The following MALRD1 variants were observed in gnomAD, a reference collection of about 807,000 sequenced individuals.
MALRD1 encodes MAM and LDL receptor class A domain containing 1.
In MALRD1, 247 loss-of-function variants were observed where a neutral mutation model predicts 242.1. The ratio of observed to expected loss-of-function variants is 1.02; its 90% confidence interval spans 0.92 to 1.13. The LOEUF is 1.13. MALRD1 is among the 50% of genes most tolerant of loss of function. MALRD1 has a pLI of 0.00. For synonymous variants in MALRD1, 995 were observed against 866.6 expected (o/e 1.15, Z -2.60); for missense variants, 2,989 against 2,533.1 (o/e 1.18, Z -3.86).
intron 28 of MALRD1, among the ~76,000 whole-genome samples, chr10:19,405,041 A>G (rs10128103): frequency 0.84 from 127,784 of 152,134 alleles, 53,972 homozygotes; most frequent in African/African-American, 0.87. Context: ...CATGACAACA[A>G]AAAAACCTGT....
chr10:19,058,492 G>A (rs1036074114), intron 1 of MALRD1, among the ~76,000 whole-genome samples: 49 of 152,156 alleles, frequency 3.2e-4, no homozygotes, highest in African/African-American at 1.1e-3. Context: ...TTGATATTGA[G>A]TAAGTATTGG....
intron 31 of MALRD1, among the ~76,000 whole-genome samples, chr10:19,512,041 A>G (rs1426125746): frequency 6.6e-6 from 1 of 152,004 alleles, no homozygotes; most frequent in Non-Finnish European, 1.5e-5. Flanking sequence ...GGGAGCCAAG[A>G]CTGAAGGTTA....
chr10:19,535,749 G>A (rs1385545584), intron 32 of MALRD1, among the ~76,000 whole-genome samples: 3 of 151,816 alleles, frequency 2.0e-5, no homozygotes, highest in Admixed American at 6.6e-5. Context: ...TAAAAATTAC[G>A]TATTTCTAAA....
chr10:19,364,621 G>A (rs982719394), intron 26 of MALRD1, among the ~76,000 whole-genome samples: 3 of 152,008 alleles, frequency 2.0e-5, no homozygotes, highest in African/African-American at 7.2e-5. Flanking sequence ...ACCAAAAATG[G>A]TCATATGATA....
At chr10:19,490,067 A>C (rs573288923) in intron 29 of MALRD1, among the ~76,000 whole-genome samples, 88 of 152,296 alleles carry the variant, frequency 5.8e-4, no homozygotes, top group Middle Eastern at 6.8e-3. Flanking sequence ...TCCAAATTTT[A>C]AGCTGGAAAG....
At chr10:19,267,670 T>G in intron 19 of MALRD1, among the ~76,000 whole-genome samples, 1 of 152,280 alleles carries the variant, frequency 6.6e-6, no homozygotes, top group East Asian at 1.9e-4. Flanking sequence ...GGCGTATTCA[T>G]TATACTTGTC....
chr10:19,375,741 A>G (rs1845565018), intron 26 of MALRD1, among the ~76,000 whole-genome samples: 1 of 152,220 alleles, frequency 6.6e-6, no homozygotes, highest in Non-Finnish European at 1.5e-5. Flanking sequence ...CTCAACCACG[A>G]TGAAATTAAA....
chr10:19,121,578 G>T (rs1360980565), intron 5 of MALRD1, among the ~76,000 whole-genome samples: 1 of 151,506 alleles, frequency 6.6e-6, no homozygotes, highest in African/African-American at 2.4e-5. Context: ...GGTCCTGAAG[G>T]AAATGATCTT....
intron 5 of MALRD1, among the ~76,000 whole-genome samples, chr10:19,110,716 G>A (rs1001658880): frequency 3.9e-5 from 6 of 152,130 alleles, no homozygotes; most frequent in Non-Finnish European, 8.8e-5. Flanking sequence ...AGCCAGCTTA[G>A]TTTTAATGAG....
chr10:19,669,402 G>C (rs893749124), intron 36 of MALRD1, among the ~76,000 whole-genome samples: 2 of 152,154 alleles, frequency 1.3e-5, no homozygotes, highest in African/African-American at 4.8e-5. Flanking sequence ...GAAGACCTGG[G>C]ATCTGGGACC....
chr10:19,240,300 T>G (rs1327502886), intron 18 of MALRD1, among the ~76,000 whole-genome samples: 2 of 152,212 alleles, frequency 1.3e-5, no homozygotes, highest in South Asian at 2.1e-4. Flanking sequence ...TATTAGTGTA[T>G]AGAAACACCA....
At chr10:19,619,558 G>A (rs11010712) in intron 36 of MALRD1, among the ~76,000 whole-genome samples, 45,475 of 151,698 alleles carry the variant, frequency 0.3, 8,205 homozygotes, top group Admixed American at 0.46. Context: ...AATTACACAT[G>A]ATATAAATTA....
intron 12 of MALRD1, among the ~76,000 whole-genome samples, chr10:19,156,026 C>T (rs1395924680): frequency 5.3e-5 from 8 of 152,110 alleles, no homozygotes; most frequent in African/African-American, 1.4e-4. Flanking sequence ...ACATGCCTCT[C>T]GGCCCTTAGG....
intron 38 of MALRD1, among the ~76,000 whole-genome samples, chr10:19,694,700 T>A (rs1285690839): frequency 6.6e-6 from 1 of 152,198 alleles, no homozygotes; most frequent in African/African-American, 2.4e-5. Context: ...AAATACCATT[T>A]GACCCAGCCA....
At chr10:19,317,101 T>G (rs1158323102) in intron 21 of MALRD1, among the ~76,000 whole-genome samples, 3 of 151,614 alleles carry the variant, frequency 2.0e-5, no homozygotes, top group Non-Finnish European at 4.4e-5. Context: ...CTAGTACTAT[T>G]GAACACTGGC....
intron 21 of MALRD1, among the ~76,000 whole-genome samples, chr10:19,320,642 C>T (rs1842882293): frequency 6.6e-6 from 1 of 152,148 alleles, no homozygotes; most frequent in South Asian, 2.1e-4. Flanking sequence ...TGAGGAATTG[C>T]TACACTGTCT....
intron 18 of MALRD1, among the ~76,000 whole-genome samples, chr10:19,237,769 A>G (rs1402819568): frequency 8.4e-6 from 1 of 118,422 alleles, no homozygotes; most frequent in Non-Finnish European, 1.7e-5. Flanking sequence ...AATTATATAT[A>G]AAAACATAAT....
At chr10:19,728,956 A>G (rs749281604) in intron 38 of MALRD1, among the ~76,000 whole-genome samples, 5 of 152,220 alleles carry the variant, frequency 3.3e-5, no homozygotes, top group Non-Finnish European at 5.9e-5. Context: ...TAAGCATTCA[A>G]TTAGTGCTTA....
chr10:19,314,530 A>C (rs912238938), intron 21 of MALRD1, among the ~76,000 whole-genome samples: 1 of 151,672 alleles, frequency 6.6e-6, no homozygotes, highest in African/African-American at 2.4e-5. Context: ...TGGGTGTCCG[A>C]ATACTTATGT....
Sources: allele counts gnomAD v4.1 joint callset (sites outside exome capture counted in the v4.1 genomes callset), GRCh38; gene constraint gnomAD v4.1.1; transcripts MANE v1.5; gene names NCBI Gene and HGNC (gene_info 2026-07-23, HGNC 2026-07-21).